LHCGR: variants seen among roughly 807,000 people sequenced by gnomAD.
LHCGR encodes the protein luteinizing hormone/choriogonadotropin receptor, also known as lutropin-choriogonadotropic hormone receptor.
A neutral mutation model predicts 60.7 loss-of-function variants in LHCGR; 55 were observed. The ratio of observed to expected loss-of-function variants is 0.91; its 90% CI spans 0.73 to 1.13. The LOEUF is 1.13. Ranked by LOEUF, LHCGR falls within the 50% of genes most tolerant of loss-of-function variation. The pLI is 0.00. For synonymous variants in LHCGR, 337 were observed against 316.5 expected (o/e 1.06, Z -0.69); for missense variants, 862 against 836.0 (o/e 1.03, Z -0.38).
Position 48,745,612 on chromosome 2 carries a change from C to T in LHCGR, c.161+9899G>A, listed in dbSNP as rs541891856. On this transcript the variant is annotated intron_variant, in intron 1 of 10. Transcript: ENST00000294954. ...ATCGCAAGAACAAAAAACCAAACAC[C>T]GCATATTCTCACTCATAGGTGGGAA... Among the ~76,000 whole-genome samples the T allele has an allele frequency of 4.8e-3, 707 of 147,438 alleles. 2 individuals are homozygous for T. Among genetic ancestry groups the T allele is most frequent in the African/African-American group, 0.016 (616 of 39,632 alleles).
intron 7 of LHCGR, among the ~76,000 whole-genome samples, chr2:48,710,007 C>T (rs1043356397): frequency 4.6e-5 from 7 of 152,140 alleles, no homozygotes; most frequent in East Asian, 1.9e-4. Context: ...TGATTTCAAG[C>T]GTGGGAACAT....
At position 48,708,981 on chromosome 2, in the gene LHCGR, C is replaced by G. The variant is rs1667843998; in HGVS notation, c.647G>C (p.Gly216Ala). ...CGGCCCTGTGGCCCCACGGAAGGCT[C>G]CATTGTGCATCTTCTCCAGATGTAC... The part of the protein sequence containing the change: ...ENVHLEKMHN[G>A]AFRGATGPKT... The change falls in exon 8 of 11, where the codon GGA (glycine) becomes GCA (alanine). Residue 216 changes from glycine (G) to alanine (A), a missense_variant. Transcript: ENST00000294954. 6.2e-7 allele frequency: 1 copy of G among 1,614,084 alleles called. No homozygotes were observed. The highest frequency in any genetic ancestry group is 1.7e-5 in the Admixed American group (1 of 60,008).
chr2:48,706,224 C>T (rs1161687313), intron 8 of LHCGR, among the ~76,000 whole-genome samples: 1 of 152,200 alleles, frequency 6.6e-6, no homozygotes, highest in African/African-American at 2.4e-5. Flanking sequence ...TATTGGCCCC[C>T]ACTCTCTTCT....
intron 1 of LHCGR, chr2:48,733,041 TAAAA>T (rs1669067351): frequency 1.9e-6 from 1 of 517,528 alleles, no homozygotes; most frequent in Non-Finnish European, 4.0e-6. Flanking sequence ...GCTTCCTGAT[TAAAA>T]ACACAGTTTT....
chr2:48,740,317 G>A (rs1277616745), intron 1 of LHCGR, among the ~76,000 whole-genome samples: 4 of 152,236 alleles, frequency 2.6e-5, no homozygotes, highest in Non-Finnish European at 4.4e-5. Flanking sequence ...CAGCCAGGAA[G>A]CTCGAACTGG....
intron 10 of LHCGR, among the ~76,000 whole-genome samples, chr2:48,693,775 A>T (rs982448842): frequency 2.0e-5 from 3 of 152,208 alleles, no homozygotes; most frequent in Admixed American, 1.3e-4. Context: ...ATTAAGACTC[A>T]TTTTAAGCTC....
chr2:48,698,861 A>T, intron 8 of LHCGR, 61 bp from the exon 9 acceptor site: 1 of 1,367,356 alleles, frequency 7.3e-7, no homozygotes, highest in Non-Finnish European at 1.0e-6. Flanking sequence ...TTTTTTTTTG[A>T]GACGGAGTCT....
chr2:48,693,027 C>T (rs1345860629), intron 10 of LHCGR, among the ~76,000 whole-genome samples: 2 of 152,104 alleles, frequency 1.3e-5, no homozygotes, highest in Admixed American at 1.3e-4. Flanking sequence ...TAAAGTCTTC[C>T]TTCCCCTCAA....
intron 1 of LHCGR, among the ~76,000 whole-genome samples, chr2:48,753,910 A>G (rs1014943869): frequency 5.3e-5 from 8 of 152,308 alleles, no homozygotes; most frequent in African/African-American, 1.9e-4. Flanking sequence ...CTGAATTGCT[A>G]TTCAATAGCT....
chr2:48,721,196 T>G (rs534914246), intron 6 of LHCGR: 2 of 155,516 alleles, frequency 1.3e-5, no homozygotes, highest in Admixed American at 1.2e-4. Flanking sequence ...GATATAGACA[T>G]GTGGGGAGAC....
intron 8 of LHCGR, among the ~76,000 whole-genome samples, chr2:48,701,716 C>T (rs564186537): frequency 1.3e-5 from 2 of 152,158 alleles, no homozygotes; most frequent in African/African-American, 2.4e-5. Context: ...CTTCCCCATC[C>T]TATGAAGGCA....
rs778655337 is a variant in LHCGR, at chr2:48,723,610, C to G, written c.458+12G>C. The G allele has an allele frequency of 6.2e-7, 1 of 1,610,454 alleles. No individual in the cohort carries two copies. Among genetic ancestry groups the G allele is most frequent in the Non-Finnish European group, 8.5e-7 (1 of 1,176,714 alleles). On this transcript the variant is annotated intron_variant, in intron 5 of 10. Coordinates refer to ENST00000294954, the MANE Select transcript of LHCGR (RefSeq NM_000233.4). ...GGAAACTGTTATGCATAGCAATCAG[C>G]CTGGTACTTACAGAATGAAATTTGA...
At chr2:48,729,037 G>C (rs939311862) in intron 3 of LHCGR, 116 bp downstream of exon 3, 3 of 860,584 alleles carry the variant, frequency 3.5e-6, no homozygotes, top group Middle Eastern at 3.0e-4. Context: ...AGTAATTGCT[G>C]TAGTCTTTTC....
Position 48,723,697 on chromosome 2 carries a change from C to T in LHCGR, c.384-1G>A. On this transcript the variant is annotated splice_acceptor_variant, in intron 4 of 10. Coordinates refer to ENST00000294954, the MANE Select transcript of LHCGR (RefSeq NM_000233.4). LOFTEE classifies it high-confidence loss of function. ...TCTGATGCCTGTGTTACAGATGCTC[C>T]TGTGATTAGGGACAGGATAGTGGTG... The T allele has an allele frequency of 6.2e-7, 1 of 1,610,606 alleles. No individual in the cohort carries two copies. Among genetic ancestry groups the T allele is most frequent in the Non-Finnish European group, 8.5e-7 (1 of 1,176,848 alleles).
chr2:48,724,411 A>T (rs760393833), intron 4 of LHCGR, among the ~76,000 whole-genome samples: 2 of 152,196 alleles, frequency 1.3e-5, no homozygotes, highest in Non-Finnish European at 2.9e-5. Flanking sequence ...TTCACCAGTC[A>T]TGGGATCTGG....
At chr2:48,738,535 G>T (rs1278685136) in intron 1 of LHCGR, among the ~76,000 whole-genome samples, 1 of 152,064 alleles carries the variant, frequency 6.6e-6, no homozygotes, top group Non-Finnish European at 1.5e-5. Flanking sequence ...CACCCCCTCA[G>T]CCAACCTATC....
intron 9 of LHCGR, among the ~76,000 whole-genome samples, chr2:48,696,498 A>G (rs1187847292): frequency 1.3e-5 from 2 of 152,196 alleles, no homozygotes; most frequent in Non-Finnish European, 2.9e-5. Flanking sequence ...ACATCAGAAA[A>G]TTGAATTGTA....
At chr2:48,695,980 G>A (rs746365518) in intron 9 of LHCGR, among the ~76,000 whole-genome samples, 2 of 151,886 alleles carry the variant, frequency 1.3e-5, no homozygotes, top group South Asian at 2.1e-4. Context: ...TAACAAACTG[G>A]TACATGTACC....
chr2:48,706,841 C>T (rs1667707448), intron 8 of LHCGR, among the ~76,000 whole-genome samples: 1 of 152,092 alleles, frequency 6.6e-6, no homozygotes, highest in Non-Finnish European at 1.5e-5. Flanking sequence ...AGAACATGCT[C>T]CTTTGGCTTG....
Sources: gnomAD v4.1 joint callset for allele counts (sites outside exome capture counted in the v4.1 genomes callset) on GRCh38, gnomAD v4.1.1 for gene constraint, MANE v1.5 for transcripts, NCBI Gene and HGNC (gene_info 2026-07-23, HGNC 2026-07-21) for gene names.